Variants in NKD2 observed in about 807,000 individuals in gnomAD.
NKD2 encodes NKD inhibitor of Wnt signaling pathway 2, also known as protein naked cuticle homolog 2.
In NKD2, 43 loss-of-function variants were observed where a neutral mutation model predicts 34.8. The ratio of observed to expected loss-of-function variants is 1.24; its 90% CI spans 0.97 to 1.60. The LOEUF is 1.60. Among genes scored for constraint, NKD2 ranks in the 40% most tolerant of loss-of-function variants. The pLI, the probability that NKD2 is intolerant of heterozygous loss-of-function variation, is 0.00. For synonymous variants in NKD2, 278 were observed against 265.1 expected (o/e 1.05, Z -0.47); for missense variants, 675 against 627.1 (o/e 1.08, Z -0.82).
intron 3 of NKD2, among the ~76,000 whole-genome samples, chr5:1,028,166 G>A (rs769333570): frequency 6.6e-5 from 10 of 152,192 alleles, no homozygotes; most frequent in African/African-American, 2.2e-4. Flanking sequence ...AGGACGAAGC[G>A]CTCAGCCCGG....
intron 7 of NKD2, 113 bp from the exon 8 acceptor site, chr5:1,035,276 C>G (rs1439743577): frequency 1.3e-6 from 1 of 747,132 alleles, no homozygotes; most frequent in Non-Finnish European, 2.2e-6. Context: ...ATGAGTGAAC[C>G]AGTGAGTTAA....
Position 1,038,284 on chromosome 5 carries a change from T to C in NKD2, c.1267T>C (p.Tyr423His). 1 of 1,562,596 alleles carries C rather than the reference T, an allele frequency of 6.4e-7. No individual in the cohort carries two copies. Among genetic ancestry groups the C allele is most frequent in the Admixed American group, 1.9e-5 (1 of 54,052 alleles). ...DLPPTPAGEG[Y>H]AVPVIQRHEH... ...GCCGCCCACGCCAGCAGGAGAGGGC[T>C]ACGCGGTGCCAGTGATCCAGCGGCA... Residue 423 changes from tyrosine to histidine, a missense_variant, in exon 10 of 10, where the codon TAC (tyrosine) becomes CAC (histidine). Tyr to His is a moderately conservative substitution (Grantham distance 83). Transcript: ENST00000296849. The surrounding 1 kb of genome is among the most constrained non-coding windows in gnomAD (Gnocchi z 4.5).
chr5:1,027,217 A>G (rs778422528), intron 3 of NKD2, among the ~76,000 whole-genome samples: 2 of 152,176 alleles, frequency 1.3e-5, no homozygotes, highest in Non-Finnish European at 2.9e-5. Flanking sequence ...GGCCGTCCCC[A>G]CCACAGTGCA....
intron 8 of NKD2, 78 bp downstream of exon 8, chr5:1,035,551 C>T: frequency 1.9e-6 from 2 of 1,070,180 alleles, no homozygotes; most frequent in Non-Finnish European, 2.8e-6. Flanking sequence ...CCGCAGGCCA[C>T]AGGCCACAGG....
rs749589906 is a variant in NKD2, at chr5:1,034,746, C to T, written c.427-10C>T. Reference sequence around the variant, plus strand: ...TCTGCTCTGTCAGTGAAACTGATGCCGGGCCCCAGGACATGTCCAGCCTCA... The same window carrying T: ...TCTGCTCTGTCAGTGAAACTGATGCTGGGCCCCAGGACATGTCCAGCCTCA... On this transcript the variant is annotated splice_polypyrimidine_tract_variant and intron_variant, in intron 6 of 9. Coordinates refer to ENST00000296849, the MANE Select transcript of NKD2 (RefSeq NM_033120.4). The T allele has an allele frequency of 4.2e-5, 68 of 1,605,524 alleles. No individual in the cohort carries two copies. The highest frequency in any genetic ancestry group is 6.7e-5 in the African/African-American group (5 of 74,752).
At position 1,038,382 on chromosome 5, in the gene NKD2, C is replaced by T. The variant is rs1235571679; in HGVS notation, c.*9C>T. ...ACTTCCACCCGTCCTAGCGCCACTG[C>T]CAAGCACACCTCGCTCCCAGCACAC... On this transcript the variant is annotated 3_prime_UTR_variant, in exon 10 of 10. Coordinates refer to ENST00000296849, the MANE Select transcript of NKD2 (RefSeq NM_033120.4). The surrounding 1 kb of genome is among the most constrained non-coding windows in gnomAD (Gnocchi z 4.5). 6.5e-7 allele frequency: 1 copy of T among 1,535,868 alleles called. No individual in the cohort carries two copies. Among genetic ancestry groups the T allele is most frequent in the Admixed American group, 2.0e-5 (1 of 51,008 alleles).
chr5:1,012,821 A>G (rs1255146326), intron 3 of NKD2, among the ~76,000 whole-genome samples: 4 of 152,164 alleles, frequency 2.6e-5, no homozygotes, highest in Non-Finnish European at 5.9e-5. Context: ...GCCAGCGCTC[A>G]CCTGTCCTCT....
At chr5:1,012,121 C>G (rs780575055) in intron 3 of NKD2, among the ~76,000 whole-genome samples, 6 of 152,272 alleles carry the variant, frequency 3.9e-5, no homozygotes, top group Admixed American at 1.3e-4. Context: ...TGCACACTCA[C>G]CCTCACCATC....
chr5:1,036,469 G>A (rs1733939301), intron 9 of NKD2, 85 bp downstream of exon 9: 1 of 1,179,202 alleles, frequency 8.5e-7, no homozygotes, highest in Non-Finnish European at 1.2e-6. Flanking sequence ...CTGAGTGCAG[G>A]GGGCCCCTCC....
intron 3 of NKD2, among the ~76,000 whole-genome samples, chr5:1,031,129 C>T (rs1756629928): frequency 6.6e-6 from 1 of 152,170 alleles, no homozygotes; most frequent in Non-Finnish European, 1.5e-5. Flanking sequence ...CCTGCTCAGC[C>T]TCCTGCCTGG....
chr5:1,032,258 C>T (rs1328478148), intron 4 of NKD2, 46 bp downstream of exon 4: 1 of 1,491,584 alleles, frequency 6.7e-7, no homozygotes, highest in South Asian at 1.1e-5. Context: ...TCACAGACTT[C>T]ATCCCGTACC....
At position 1,033,408 on chromosome 5, in the gene NKD2, AC is replaced by A; in HGVS notation, c.242del (p.Pro81ArgfsTer91). 1 of 1,595,730 alleles carries A rather than the reference AC, an allele frequency of 6.3e-7. No individual in the cohort carries two copies. Among genetic ancestry groups the A allele is most frequent in the Non-Finnish European group, 8.5e-7 (1 of 1,171,490 alleles). ...LPAEKAEGRE[H>X]PGQLLSADDG... Reference sequence around the variant, plus strand: ...GCTGAGAAAGCTGAGGGCCGCGAGCACCCGGGACAACTCCTCAGCGCAGATG... The same window carrying A: ...GCTGAGAAAGCTGAGGGCCGCGAGCACCGGGACAACTCCTCAGCGCAGATG... On this transcript the variant is annotated frameshift_variant, in exon 5 of 10. Coordinates refer to ENST00000296849, the MANE Select transcript of NKD2 (RefSeq NM_033120.4). LOFTEE classifies it high-confidence loss of function.
intron 6 of NKD2, 100 bp downstream of exon 6, chr5:1,034,430 G>A: frequency 1.0e-6 from 1 of 989,728 alleles, no homozygotes; most frequent in South Asian, 1.4e-5. Flanking sequence ...GAGGGGACCT[G>A]CCTGCTGCGA....
At chr5:1,036,489 C>A in intron 9 of NKD2, 105 bp downstream of exon 9, 1 of 564,228 alleles carries the variant, frequency 1.8e-6, no homozygotes, top group Non-Finnish European at 2.8e-6. Context: ...CCTGCCCTGC[C>A]CCGCCCCCCC....
intron 6 of NKD2, 142 bp downstream of exon 6, chr5:1,034,472 C>A: frequency 1.3e-6 from 1 of 760,572 alleles, no homozygotes. Flanking sequence ...TGCGTCTCCC[C>A]AGGGCCCAGT....
chr5:1,030,556 A>G (rs369699294), intron 3 of NKD2, among the ~76,000 whole-genome samples: 116 of 152,342 alleles, frequency 7.6e-4, no homozygotes, highest in African/African-American at 2.8e-3. Context: ...AAATAAATAA[A>G]TAAATAACTA....
At chr5:1,034,137 G>T in intron 5 of NKD2, 98 bp from the exon 6 acceptor site, 3 of 841,350 alleles carry the variant, frequency 3.6e-6, no homozygotes, top group Non-Finnish European at 5.7e-6. Flanking sequence ...TGGCATGAGG[G>T]ACCCCTGGGA....
chr5:1,032,837 T>C (rs1485153308), intron 4 of NKD2, among the ~76,000 whole-genome samples: 1 of 152,198 alleles, frequency 6.6e-6, no homozygotes, highest in Non-Finnish European at 1.5e-5. Context: ...CACACTCCTA[T>C]CCTGGGGACG....
chr5:1,036,138 G>A, intron 8 of NKD2, 119 bp from the exon 9 acceptor site: 1 of 1,371,756 alleles, frequency 7.3e-7, no homozygotes, highest in Non-Finnish European at 9.4e-7. Flanking sequence ...GCTCTGCGAG[G>A]AGGTGGGTGC....
Sources: gnomAD v4.1 joint callset for allele counts (sites outside exome capture counted in the v4.1 genomes callset) on GRCh38, gnomAD v4.1.1 for gene constraint, Gnocchi (gnomAD v3.1) non-coding constraint, MANE v1.5 for transcripts, NCBI Gene and HGNC (gene_info 2026-07-23, HGNC 2026-07-21) for gene names.